Variants in CNIH3 observed in about 807,000 individuals in gnomAD.
The protein encoded by CNIH3 is protein cornichon homolog 3.
A neutral mutation model predicts 24.1 loss-of-function variants in CNIH3; 14 were observed. The ratio of observed to expected loss-of-function variants is 0.58; its 90% CI spans 0.38 to 0.91. The LOEUF is 0.91. Among genes scored for constraint, CNIH3 ranks in the 40% least tolerant of loss-of-function variants. CNIH3 has a pLI of 0.00. For synonymous variants in CNIH3, 68 were observed against 73.8 expected (o/e 0.92, Z 0.40); for missense variants, 178 against 196.8 (o/e 0.90, Z 0.57).
intron 1 of CNIH3, among the ~76,000 whole-genome samples, chr1:224,437,915 A>AT (rs35998596): frequency 0.98 from 141,613 of 144,002 alleles, 69,632 homozygotes; most frequent in East Asian, 1. Flanking sequence ...CACGGCAACT[A>AT]TTTTTTTTTT....
At chr1:224,562,829 A>G (rs1218790944) in intron 3 of CNIH3, among the ~76,000 whole-genome samples, 4 of 152,084 alleles carry the variant, frequency 2.6e-5, no homozygotes, top group Non-Finnish European at 5.9e-5. Context: ...CCCCACCAGG[A>G]GCAGATGCTG....
chr1:224,439,542 TAAA>T (rs35161497), intron 1 of CNIH3, among the ~76,000 whole-genome samples: 1 of 144,430 alleles, frequency 6.9e-6, no homozygotes. Flanking sequence ...TGGGCCGTAT[TAAA>T]AAAAAAAAAC....
Position 224,472,672 on chromosome 1 carries a change from C to T in CNIH3, n.203+37810C>T, listed in dbSNP as rs116417570. On this transcript the variant is annotated intron_variant and non_coding_transcript_variant, in intron 1 of 5. Coordinates refer to the CNIH3 transcript ENST00000471578. ...GGATGGTGAGGGATAAAAGACTACA[C>T]GCTGGGCACAGTGTACACTGCTAGG... 2.0e-3 allele frequency among the ~76,000 whole-genome samples: 310 copies of T among 152,236 alleles called. 1 individual carries two copies. The highest frequency in any genetic ancestry group is 3.4e-3 in the Non-Finnish European group (229 of 68,022).
downstream of CNIH3, chr1:224,537,404 G>A (rs2124942140): frequency 6.6e-6 from 1 of 152,318 alleles, no homozygotes; most frequent in South Asian, 2.1e-4. Context: ...TGTAAATCGT[G>A]TATTCAGTGA....
At chr1:224,644,455 C>T (rs1189525393) in intron 1 of CNIH3, among the ~76,000 whole-genome samples, 2 of 152,066 alleles carry the variant, frequency 1.3e-5, no homozygotes, top group African/African-American at 2.4e-5. Context: ...TACAGGATAT[C>T]GGGGAGTGTG....
At chr1:224,576,672 G>A (rs1681050328) in intron 4 of CNIH3, among the ~76,000 whole-genome samples, 1 of 152,050 alleles carries the variant, frequency 6.6e-6, no homozygotes, top group African/African-American at 2.4e-5. Flanking sequence ...TTTCTTTCCT[G>A]TAAAGCCTTT....
intron 1 of CNIH3, among the ~76,000 whole-genome samples, chr1:224,452,742 A>T (rs1242826424): frequency 7.1e-6 from 1 of 141,758 alleles, no homozygotes; most frequent in Non-Finnish European, 1.5e-5. Context: ...AGATCGCGCC[A>T]CTGCACTCCA....
intron 1 of CNIH3, among the ~76,000 whole-genome samples, chr1:224,449,066 G>C (rs911500611): frequency 6.6e-6 from 1 of 150,640 alleles, no homozygotes; most frequent in Admixed American, 6.7e-5. Flanking sequence ...TCAGGTTCAA[G>C]TGATTCTCCT....
intron 1 of CNIH3, among the ~76,000 whole-genome samples, chr1:224,622,254 C>T (rs925499552): frequency 1.3e-5 from 2 of 152,212 alleles, no homozygotes; most frequent in African/African-American, 4.8e-5. Context: ...TGCCTTGGCA[C>T]TTTGAAACTT....
chr1:224,507,935 G>A (rs907791565), intron 1 of CNIH3, among the ~76,000 whole-genome samples: 2 of 152,228 alleles, frequency 1.3e-5, no homozygotes, highest in Non-Finnish European at 2.9e-5. Flanking sequence ...AAGGGGTTAA[G>A]CATTTCTGCA....
At chr1:224,510,944 C>G (rs145739878), upstream of CNIH3, among the ~76,000 whole-genome samples, 1 of 152,224 alleles carries the variant, frequency 6.6e-6, no homozygotes, top group Non-Finnish European at 1.5e-5. Flanking sequence ...CAGGCCAGCA[C>G]TGAACACAGC....
intron 1 of CNIH3, among the ~76,000 whole-genome samples, chr1:224,637,156 T>C (rs550424170): frequency 6.6e-6 from 1 of 152,280 alleles, no homozygotes; most frequent in East Asian, 1.9e-4. Context: ...GGTTTCACTA[T>C]GTTGGCCAGG....
At chr1:224,733,537 G>A (rs912175544) in intron 4 of CNIH3, among the ~76,000 whole-genome samples, 11 of 152,208 alleles carry the variant, frequency 7.2e-5, no homozygotes, top group African/African-American at 2.7e-4. Flanking sequence ...TCTCTGAAGG[G>A]GAAGGAGGAG....
At chr1:224,714,586 C>G (rs940718666) in intron 3 of CNIH3, among the ~76,000 whole-genome samples, 1 of 152,176 alleles carries the variant, frequency 6.6e-6, no homozygotes, top group South Asian at 2.1e-4. Context: ...TTCCCTGTGC[C>G]GTGGTTTGAG....
At chr1:224,437,547 C>T (rs914743146) in intron 1 of CNIH3, among the ~76,000 whole-genome samples, 8 of 152,102 alleles carry the variant, frequency 5.3e-5, no homozygotes, top group African/African-American at 7.2e-5. Flanking sequence ...CTTGAGGGCA[C>T]GATCTGTGTA....
At chr1:224,630,825 G>C (rs879284223) in intron 1 of CNIH3, among the ~76,000 whole-genome samples, 1 of 152,138 alleles carries the variant, frequency 6.6e-6, no homozygotes, top group Non-Finnish European at 1.5e-5. Context: ...AGTGAGGTGG[G>C]TGGTTTCTGC....
chr1:224,442,385 C>T (rs1674958247), intron 1 of CNIH3, among the ~76,000 whole-genome samples: 1 of 152,182 alleles, frequency 6.6e-6, no homozygotes, highest in Non-Finnish European at 1.5e-5. Context: ...ACATTTTCTG[C>T]TACAGCTCTG....
intron 1 of CNIH3, among the ~76,000 whole-genome samples, chr1:224,471,807 G>A (rs973348467): frequency 4.6e-5 from 7 of 152,150 alleles, no homozygotes; most frequent in Admixed American, 4.6e-4. Flanking sequence ...GGCCAGGCTG[G>A]TCTTGAACTC....
At chr1:224,526,391 C>T (rs1166258761) in intron 2 of CNIH3, among the ~76,000 whole-genome samples, 2 of 152,010 alleles carry the variant, frequency 1.3e-5, no homozygotes, top group Non-Finnish European at 2.9e-5. Context: ...GAGCTTTTTT[C>T]CCCCTTTGTG....
Sources: gnomAD v4.1 joint callset for allele counts (sites outside exome capture counted in the v4.1 genomes callset) on GRCh38, gnomAD v4.1.1 for gene constraint, MANE v1.5 for transcripts, NCBI Gene and HGNC (gene_info 2026-07-23, HGNC 2026-07-21) for gene names.